The following TOB2 variants were observed in gnomAD, a reference collection of about 807,000 sequenced individuals.
TOB2 encodes protein Tob2.
A neutral mutation model predicts 17.3 loss-of-function variants in TOB2; 3 were observed. The ratio of observed to expected loss-of-function variants is 0.17; its 90% confidence interval spans 0.08 to 0.45. The LOEUF (loss-of-function observed/expected upper bound fraction) is 0.45, where lower values mean the gene tolerates loss of function less well. Ranked by LOEUF, TOB2 falls within the 20% of genes least tolerant of loss-of-function variation. TOB2 has a pLI of 0.99. For synonymous variants in TOB2, 163 were observed against 185.6 expected (o/e 0.88, Z 0.99); for missense variants, 407 against 445.7 (o/e 0.91, Z 0.78).
chr22:41,442,110 A>G (rs993350922), intron 1 of TOB2, among the ~76,000 whole-genome samples: 38 of 151,472 alleles, frequency 2.5e-4, no homozygotes, highest in Admixed American at 2.4e-3. Context: ...AAAAAAAAAA[A>G]GAAAAAAAAG....
rs536633543 is a variant in TOB2 at position 41,443,329 on chromosome 22, T to TC, written c.-63+3049dup. Among the ~76,000 whole-genome samples, 3 of 151,338 alleles carry TC rather than the reference T, an allele frequency of 2.0e-5. No individual in the cohort carries two copies. In the South Asian group the frequency reaches 6.3e-4, roughly 32 times the overall value. On this transcript the variant is annotated intron_variant, in intron 1 of 1. Coordinates refer to ENST00000327492, the MANE Select transcript of TOB2 (RefSeq NM_016272.4). ...TGTCAGAAGCGAAGGAAGATTTTTT[T>TC]CCCCCCCTCGAGACAGTCTTGCTCT... is the stretch of plus-strand genomic sequence containing the variant.
chr22:41,440,068 C>G (rs2037596507), intron 1 of TOB2, among the ~76,000 whole-genome samples: 1 of 152,114 alleles, frequency 6.6e-6, no homozygotes. Flanking sequence ...GCCTCCAACA[C>G]AGACTTCATC....
chr22:41,446,209 G>A (rs2037685099), intron 1 of TOB2, among the ~76,000 whole-genome samples, 170 bp downstream of exon 1: 1 of 152,234 alleles, frequency 6.6e-6, no homozygotes, highest in Non-Finnish European at 1.5e-5. Context: ...TGGGGAAAGT[G>A]GGGTCTGGAG....
chr22:41,440,623 G>A (rs1414472567), intron 1 of TOB2, among the ~76,000 whole-genome samples: 4 of 142,722 alleles, frequency 2.8e-5, no homozygotes, highest in Non-Finnish European at 6.1e-5. Flanking sequence ...CTGGAATGCA[G>A]TGGCGTGATC....
rs1160560768 is a variant in TOB2, at chr22:41,436,163, T to G, written c.*148A>C. ...TGGGTGCTTTGCAGGGCCCTCCCAT[T>G]CCGTGCCTGGGCTGGATCTTTTTTC... On this transcript the variant is annotated 3_prime_UTR_variant, in exon 2 of 2. Transcript: ENST00000327492. The surrounding 1 kb of genome is among the most constrained non-coding windows in gnomAD (Gnocchi z 4.8). The G allele has an allele frequency of 5.3e-6, 6 of 1,130,642 alleles. No homozygotes were observed. The highest frequency in any genetic ancestry group is 7.2e-6 in the Non-Finnish European group (6 of 837,654). The allele number at this position is 1,130,642 out of a possible 1,614,324, so 70.0% of individuals were successfully genotyped here.
rs564236693 is a variant in TOB2, at chr22:41,440,989, A to G, written c.-62-3582T>C. Among the ~76,000 whole-genome samples, 3 of 152,194 alleles carry G rather than the reference A, an allele frequency of 2.0e-5. No individual in the cohort carries two copies. In the South Asian group the frequency reaches 6.2e-4, roughly 32 times the overall value. ...TCAAATGTCTATTAATGATCAATAC[A>G]GACCAATTTCAGGGCTTTTTTGGGT... On this transcript the variant is annotated intron_variant, in intron 1 of 1. Coordinates refer to ENST00000327492, the MANE Select transcript of TOB2 (RefSeq NM_016272.4).
chr22:41,442,863 C>G (rs919950759), intron 1 of TOB2, among the ~76,000 whole-genome samples: 3 of 152,018 alleles, frequency 2.0e-5, no homozygotes, highest in African/African-American at 7.2e-5. Flanking sequence ...AACTACCTGT[C>G]AATAAAGGGA....
intron 1 of TOB2, among the ~76,000 whole-genome samples, chr22:41,440,874 T>G (rs1194288237): frequency 6.6e-6 from 1 of 150,858 alleles, no homozygotes; most frequent in Non-Finnish European, 1.5e-5. Flanking sequence ...GCCTCATTTT[T>G]TTTTGTATTT....
At chr22:41,441,363 T>C (rs1411934582) in intron 1 of TOB2, among the ~76,000 whole-genome samples, 15 of 151,610 alleles carry the variant, frequency 9.9e-5, no homozygotes. Context: ...GGCTTTCTGT[T>C]TATGAGGATC....
chr22:41,438,429 G>A (rs756581322), intron 1 of TOB2, among the ~76,000 whole-genome samples: 1 of 151,802 alleles, frequency 6.6e-6, no homozygotes, highest in African/African-American at 2.4e-5. Flanking sequence ...GGGAGTTCGA[G>A]ACCAGCCTGA....
chr22:41,445,744 T>C (rs2037677348), intron 1 of TOB2, among the ~76,000 whole-genome samples: 2 of 152,204 alleles, frequency 1.3e-5, no homozygotes, highest in African/African-American at 2.4e-5. Context: ...TCACTGGCAC[T>C]GCTCTAAGGG....
In TOB2 at chr22:41,436,442, C is replaced by G; in HGVS notation, c.904G>C (p.Ala302Pro). The change falls in exon 2 of 2, where the codon GCC becomes CCC. Residue 302 changes from alanine to proline, a missense_variant. Physicochemically the swap from Ala to Pro is conservative, Grantham distance 27 (BLOSUM62 -1). Coordinates refer to ENST00000327492, the MANE Select transcript of TOB2 (RefSeq NM_016272.4). This position sits in a 1 kb window ranked among gnomAD's most constrained non-coding sequence, Gnocchi z 4.8. The stretch of plus-strand genomic sequence containing the variant: ...TTGGCACCACCTCCAAATACCTGGG[C>G]CATGTCAAAGCTGCTGCTGTTGCAG... ...GTCNSSSFDM[A>P]QVFGGGANSL... The G allele has an allele frequency of 6.2e-7, 1 of 1,614,214 alleles. No individual in the cohort carries two copies. The highest frequency in any genetic ancestry group is 8.5e-7 in the Non-Finnish European group (1 of 1,180,038).
chr22:41,445,809 C>T (rs1293429381), intron 1 of TOB2, among the ~76,000 whole-genome samples: 2 of 152,218 alleles, frequency 1.3e-5, no homozygotes, highest in African/African-American at 4.8e-5. Flanking sequence ...AAGAGCTCAG[C>T]CGAAACGGTG....
rs921030858 is a variant in TOB2 at position 41,446,710 on chromosome 22, G to A, written c.-394C>T. 6.6e-6 allele frequency: 1 copy of A among 152,150 alleles called. No individual in the cohort carries two copies. The highest frequency in any genetic ancestry group is 1.5e-5 in the Non-Finnish European group (1 of 68,032). 9.4% of individuals were successfully genotyped at this position (152,150 alleles called of 1,614,324 possible). A position where few individuals can be genotyped will look rare whatever the true frequency, so the allele number is the denominator to read the frequency against. On this transcript the variant is annotated 5_prime_UTR_variant, in exon 1 of 2. Coordinates refer to ENST00000327492, the MANE Select transcript of TOB2 (RefSeq NM_016272.4). Reference sequence around the variant, plus strand: ...CAGACGGTATGGGCTGTCGCCGGCAGACGGTCCTGCCCTCCTGGCCCCGCG... The same window carrying A: ...CAGACGGTATGGGCTGTCGCCGGCAAACGGTCCTGCCCTCCTGGCCCCGCG...
chr22:41,437,901 G>C (rs574255204), intron 1 of TOB2, among the ~76,000 whole-genome samples: 115 of 116,078 alleles, frequency 9.9e-4, no homozygotes, highest in African/African-American at 3.8e-3. Flanking sequence ...AGTGAGCCGA[G>C]ATCATGCCAC....
chr22:41,444,725 A>G (rs2037663321), intron 1 of TOB2, among the ~76,000 whole-genome samples: 1 of 152,196 alleles, frequency 6.6e-6, no homozygotes, highest in Non-Finnish European at 1.5e-5. Context: ...TACTCCCCGT[A>G]TTGTATGGCC....
chr22:41,436,468 G>A lies in TOB2; in HGVS notation c.878C>T (p.Thr293Ile). ...PGPFGGSGAGTCNSSSFDMAQ... is the reference protein window; with the variant it reads ...PGPFGGSGAGICNSSSFDMAQ... ...CATGTCAAAGCTGCTGCTGTTGCAG[G>A]TGCCAGCCCCACTGCCTCCAAACGG... is the stretch of plus-strand genomic sequence containing the variant. Residue 293 changes from threonine to isoleucine, a missense_variant, in exon 2 of 2, where the codon ACC (threonine) becomes ATC (isoleucine). Physicochemically the swap from Thr to Ile is moderately conservative, Grantham distance 89. Transcript: ENST00000327492. The surrounding 1 kb of genome is among the most constrained non-coding windows in gnomAD (Gnocchi z 4.8). 8.1e-6 allele frequency: 13 copies of A among 1,614,192 alleles called. No individual in the cohort carries two copies. Among genetic ancestry groups the A allele is most frequent in the South Asian group, 1.1e-5 (1 of 91,084 alleles).
rs750217400 is a variant in TOB2, at chr22:41,446,708, C to T, written c.-392G>A. ...GGCAGACGGTATGGGCTGTCGCCGG[C>T]AGACGGTCCTGCCCTCCTGGCCCCG... On this transcript the variant is annotated 5_prime_UTR_variant, in exon 1 of 2. Transcript: ENST00000327492. The T allele has an allele frequency of 3.5e-3, 539 of 152,236 alleles. 2 individuals carry two copies. The highest frequency in any genetic ancestry group is 5.7e-3 in the Non-Finnish European group (387 of 68,014). The allele number at this position is 152,236 out of a possible 1,614,324, so 9.4% of individuals were successfully genotyped here. A position where few individuals can be genotyped will look rare whatever the true frequency, so the allele number is the denominator to read the frequency against.
chr22:41,444,118 G>T (rs1048840349), intron 1 of TOB2, among the ~76,000 whole-genome samples: 1 of 152,182 alleles, frequency 6.6e-6, no homozygotes, highest in Non-Finnish European at 1.5e-5. Context: ...AGACCGGGTG[G>T]ATGCGAGTGC....
Sources: allele counts gnomAD v4.1 joint callset (sites outside exome capture counted in the v4.1 genomes callset), GRCh38; gene constraint gnomAD v4.1.1; non-coding constraint Gnocchi (gnomAD v3.1); transcripts MANE v1.5; gene names NCBI Gene and HGNC (gene_info 2026-07-23, HGNC 2026-07-21).